Variants in STYK1 observed in about 807,000 individuals in gnomAD.
STYK1 encodes STY kinase 1, also known as tyrosine-protein kinase STYK1.
Under a neutral mutation model 48.1 loss-of-function variants are expected in STYK1, and 46 were observed. That is an observed-to-expected ratio of 0.96 (90% CI 0.75 to 1.22). The LOEUF is 1.22. Among genes scored for constraint, STYK1 ranks in the 50% most tolerant of loss-of-function variants. STYK1 has a pLI of 0.00. For missense variants in STYK1, 527 were observed against 521.1 expected (o/e 1.01, Z -0.11); for synonymous variants, 188 against 189.0 (o/e 0.99, Z 0.04).
intron 1 of STYK1, among the ~76,000 whole-genome samples, chr12:10,664,214 A>G (rs1227090221): frequency 2.0e-5 from 3 of 152,140 alleles, no homozygotes; most frequent in African/African-American, 7.2e-5. Flanking sequence ...AACCCAGCTC[A>G]TTTTCCCCTG....
At chr12:10,664,702 C>G (rs963186022) in intron 1 of STYK1, among the ~76,000 whole-genome samples, 1 of 152,140 alleles carries the variant, frequency 6.6e-6, no homozygotes, top group Admixed American at 6.5e-5. Context: ...AATGTTAACT[C>G]AGCAAATTAA....
intron 1 of STYK1, among the ~76,000 whole-genome samples, chr12:10,671,981 G>C (rs1947895931): frequency 6.6e-6 from 1 of 152,016 alleles, no homozygotes; most frequent in African/African-American, 2.4e-5. Flanking sequence ...ACTTTATTGG[G>C]AGATGATAGT....
rs1452543943 is a variant in STYK1 at position 10,631,113 on chromosome 12, A to G, written c.383T>C (p.Ile128Thr). The change falls in exon 5 of 11, where the codon ATC (isoleucine) becomes ACC (threonine). Residue 128 changes from isoleucine to threonine, a missense_variant. Physicochemically the swap from Ile to Thr is moderately conservative, Grantham distance 89 (BLOSUM62 -1). Coordinates refer to ENST00000075503, the MANE Select transcript of STYK1 (RefSeq NM_018423.3). The part of the protein sequence containing the change: ...EQICSGSCGP[I>T]FRANMNTGDP... ...CCCAGTGTTCATATTGGCTCGAAAG[A>G]TGGGCCCACAGCTACCACTGCAAAT... is the stretch of plus-strand genomic sequence containing the variant. The G allele has an allele frequency of 2.7e-5, 44 of 1,614,174 alleles. No homozygotes were observed. Among genetic ancestry groups the G allele is most frequent in the Non-Finnish European group, 3.4e-5 (40 of 1,180,030 alleles).
chr12:10,672,676 C>T lies in STYK1; in HGVS notation c.-195+1290G>A, dbSNP rs1259373819. On this transcript the variant is annotated intron_variant, in intron 1 of 10. Coordinates refer to ENST00000075503, the MANE Select transcript of STYK1 (RefSeq NM_018423.3). This position sits in a 1 kb window ranked among gnomAD's most constrained non-coding sequence, Gnocchi z 4.0. Reference sequence around the variant, plus strand: ...CATTCTGAAACCATCTCCCGCCAACCTCATCGGCATCTGTGAAAAAAATTG... The same window carrying T: ...CATTCTGAAACCATCTCCCGCCAACTTCATCGGCATCTGTGAAAAAAATTG... 6.6e-6 allele frequency among the ~76,000 whole-genome samples: 1 copy of T among 152,210 alleles called. No homozygotes were observed. The highest frequency in any genetic ancestry group is 6.5e-5 in the Admixed American group (1 of 15,282).
At chr12:10,636,040 G>A (rs1040850253) in intron 2 of STYK1, among the ~76,000 whole-genome samples, 20 of 152,172 alleles carry the variant, frequency 1.3e-4, no homozygotes, top group African/African-American at 4.6e-4. Context: ...AAAATCAGAA[G>A]TATAGCTTAT....
intron 6 of STYK1, among the ~76,000 whole-genome samples, chr12:10,628,834 T>A (rs1947388540): frequency 1.3e-5 from 2 of 152,234 alleles, no homozygotes; most frequent in South Asian, 4.1e-4. Context: ...TTGCCCACCA[T>A]ATTATAGTGA....
intron 1 of STYK1, among the ~76,000 whole-genome samples, chr12:10,646,415 T>C (rs951157764): frequency 7.9e-5 from 12 of 152,350 alleles, no homozygotes; most frequent in African/African-American, 2.9e-4. Context: ...CCTAGAGATC[T>C]GTAGAACTTT....
intron 5 of STYK1, among the ~76,000 whole-genome samples, chr12:10,629,994 T>C (rs1947404606): frequency 6.7e-6 from 1 of 149,842 alleles, no homozygotes; most frequent in Non-Finnish European, 1.5e-5. Context: ...CTTATCCTTG[T>C]TCTATGTATC....
chr12:10,633,522 CA>C (rs1947451739), intron 4 of STYK1, among the ~76,000 whole-genome samples: 1 of 152,132 alleles, frequency 6.6e-6, no homozygotes, highest in African/African-American at 2.4e-5. Context: ...AACTCCAGAA[CA>C]GACTGTTATC....
At chr12:10,654,223 C>T (rs959017544) in intron 1 of STYK1, among the ~76,000 whole-genome samples, 11 of 152,166 alleles carry the variant, frequency 7.2e-5, no homozygotes, top group Admixed American at 7.2e-4. Flanking sequence ...CAACCCTTTC[C>T]CAGAAAACTC....
chr12:10,639,149 A>C (rs1481464779), intron 1 of STYK1, among the ~76,000 whole-genome samples: 1 of 152,190 alleles, frequency 6.6e-6, no homozygotes, highest in Admixed American at 6.5e-5. Context: ...AAAACAAAAA[A>C]CAAAACCAAA....
intron 1 of STYK1, among the ~76,000 whole-genome samples, chr12:10,652,816 A>G (rs370541809): frequency 6.6e-6 from 1 of 152,198 alleles, no homozygotes; most frequent in East Asian, 1.9e-4. Flanking sequence ...GAATAATGCT[A>G]TATTTGCACC....
chr12:10,626,240 G>A (rs73264018), intron 7 of STYK1, among the ~76,000 whole-genome samples: 2,166 of 152,276 alleles, frequency 0.014, 56 homozygotes, highest in African/African-American at 0.05. Context: ...CTTGTAACAG[G>A]TAGCATAGGG....
intron 1 of STYK1, among the ~76,000 whole-genome samples, chr12:10,663,381 G>A (rs975012593): frequency 2.0e-5 from 3 of 152,094 alleles, no homozygotes; most frequent in Non-Finnish European, 2.9e-5. Flanking sequence ...GGGAGGCTGA[G>A]GCGGGAGGAT....
At chr12:10,622,329 G>A (rs1865921226) in intron 9 of STYK1, among the ~76,000 whole-genome samples, 1 of 152,134 alleles carries the variant, frequency 6.6e-6, no homozygotes, top group South Asian at 2.1e-4. Flanking sequence ...TTATGTTTAT[G>A]CAAGACCACT....
At chr12:10,667,162 T>C (rs1947842258) in intron 1 of STYK1, 1 of 152,204 alleles carries the variant, frequency 6.6e-6, no homozygotes, top group African/African-American at 2.4e-5. Flanking sequence ...GAGCTAGTTA[T>C]TGAGGTTATA....
At chr12:10,645,724 C>T (rs1042673978) in intron 1 of STYK1, among the ~76,000 whole-genome samples, 1 of 152,102 alleles carries the variant, frequency 6.6e-6, no homozygotes, top group African/African-American at 2.4e-5. Flanking sequence ...AATATCAATC[C>T]TGATGTTCAT....
chr12:10,645,552 T>A (rs1256751230), intron 1 of STYK1, among the ~76,000 whole-genome samples: 1 of 151,904 alleles, frequency 6.6e-6, no homozygotes, highest in Non-Finnish European at 1.5e-5. Context: ...CCACACACAC[T>A]GAAAAACAGA....
intron 1 of STYK1, among the ~76,000 whole-genome samples, chr12:10,648,573 CAA>C (rs1310289213): frequency 6.6e-6 from 1 of 151,802 alleles, no homozygotes; most frequent in African/African-American, 2.4e-5. Flanking sequence ...TAAAATAAAA[CAA>C]GATACATTTT....
Sources: gnomAD v4.1 joint callset for allele counts (sites outside exome capture counted in the v4.1 genomes callset) on GRCh38, gnomAD v4.1.1 for gene constraint, Gnocchi (gnomAD v3.1) non-coding constraint, MANE v1.5 for transcripts, NCBI Gene and HGNC (gene_info 2026-07-23, HGNC 2026-07-21) for gene names.